RNF112: variants seen among roughly 807,000 people sequenced by gnomAD.
RNF112 encodes ring finger protein 112, also known as brain finger protein.
Under a neutral mutation model 64.7 loss-of-function variants are expected in RNF112, and 34 were observed. The ratio of observed to expected loss-of-function variants is 0.53; its 90% CI spans 0.40 to 0.70. RNF112 has a LOEUF of 0.70. Among genes scored for constraint, RNF112 ranks in the 30% least tolerant of loss-of-function variants. The pLI is 0.00. For missense variants in RNF112, 734 were observed against 850.0 expected (o/e 0.86, Z 1.70); for synonymous variants, 345 against 344.5 (o/e 1.00, Z -0.02).
chr17:19,414,928 C>T, intron 10 of RNF112, 41 bp downstream of exon 10: 1 of 1,599,092 alleles, frequency 6.3e-7, no homozygotes, highest in Non-Finnish European at 8.6e-7. Flanking sequence ...GCGCTGCTCC[C>T]AGCTCCCCTC....
Position 19,413,336 on chromosome 17 carries a change from G to A in RNF112, c.645G>A (p.Arg215=), listed in dbSNP as rs1170733775. 1.9e-6 allele frequency: 3 copies of A among 1,613,298 alleles called. No homozygotes were observed. Among genetic ancestry groups the A allele is most frequent in the African/African-American group, 2.7e-5 (2 of 74,928 alleles). ...GAGAGGCATCCCTGCAGGGCTGCAG[G>A]TGGGGCGCCAATGGCCTCGCCAGGG... ...RGGEASLQGC[R]WGANGLARGI... The change falls in exon 5 of 14, where the codon AGG becomes AGA. Residue 215 remains arginine, a synonymous_variant. Coordinates refer to ENST00000461366, the MANE Select transcript of RNF112 (RefSeq NM_007148.5). This position sits in a 1 kb window ranked among gnomAD's most constrained non-coding sequence, Gnocchi z 5.9.
chr17:19,411,366 C>A lies in RNF112; in HGVS notation c.-43C>A. The A allele has an allele frequency of 6.3e-7, 1 of 1,591,772 alleles. No individual in the cohort carries two copies. The highest frequency in any genetic ancestry group is 8.6e-7 in the Non-Finnish European group (1 of 1,168,794). On this transcript the variant is annotated 5_prime_UTR_variant, in exon 1 of 14. Coordinates refer to ENST00000461366, the MANE Select transcript of RNF112 (RefSeq NM_007148.5). ...TTACCTCTGGTTGAAGGTCTCGGGG[C>A]CTCCCCCTCTGCATCCGGACCCTCT...
chr17:19,415,768 C>T lies in RNF112; in HGVS notation c.1489C>T (p.Leu497Phe), dbSNP rs1243455514. 3.7e-6 allele frequency: 6 copies of T among 1,613,520 alleles called. No homozygotes were observed. The African/African-American group carries it at 8.0e-5, about 22-fold the overall frequency. Residue 497 changes from leucine to phenylalanine, a missense_variant, in exon 14 of 14, where the codon CTC becomes TTC. Transcript: ENST00000461366. The surrounding 1 kb of genome is among the most constrained non-coding windows in gnomAD (Gnocchi z 7.8). ...RVLPDTMRNL[L>F]STQKDAILAR... ...CCTGCCAGACACCATGCGGAACCTCCTCTCCACCCAGAAAGATGCCATTCT... is the reference window on the plus strand; with the variant it reads ...CCTGCCAGACACCATGCGGAACCTCTTCTCCACCCAGAAAGATGCCATTCT...
In RNF112 at chr17:19,416,140, G is replaced by A. The variant is rs867269904; in HGVS notation, c.1861G>A (p.Glu621Lys). 2 of 1,570,232 alleles carry A rather than the reference G, an allele frequency of 1.3e-6. No homozygotes were observed. The highest frequency in any genetic ancestry group is 4.7e-5 in the East Asian group (2 of 42,748). The change falls in exon 14 of 14, where the codon GAA becomes AAA. Residue 621 changes from glutamate to lysine, a missense_variant. Physicochemically the swap from Glu to Lys is moderately conservative, Grantham distance 56. Coordinates refer to ENST00000461366, the MANE Select transcript of RNF112 (RefSeq NM_007148.5). ...GAAGGAGGAGGATGAGAGGCTTCTG[G>A]AAGGGGACCGAGAGCCCCTTCTCCA... is the stretch of plus-strand genomic sequence containing the variant. ...MEKEEDERLL[E>K]GDREPLLQEE
chr17:19,413,298 C>A lies in RNF112; in HGVS notation c.607C>A (p.Arg203=). 1 of 1,610,988 alleles carries A rather than the reference C, an allele frequency of 6.2e-7. No homozygotes were observed. The highest frequency in any genetic ancestry group is 1.3e-5 in the African/African-American group (1 of 74,942). Residue 203 remains arginine, a synonymous_variant, in exon 5 of 14, where the codon CGG becomes AGG. Coordinates refer to ENST00000461366, the MANE Select transcript of RNF112 (RefSeq NM_007148.5). This position sits in a 1 kb window ranked among gnomAD's most constrained non-coding sequence, Gnocchi z 5.9. ...LPGLESGEGG[R]PRGGEASLQG... ...CCTGCAGGAGTCTGGTGAGGGCGGC[C>A]GGCCAAGAGGAGGAGAGGCATCCCT...
chr17:19,415,820 G>T lies in RNF112; in HGVS notation c.1541G>T (p.Cys514Phe), dbSNP rs1430511236. The T allele has an allele frequency of 1.2e-6, 2 of 1,613,704 alleles. No individual in the cohort carries two copies. Among genetic ancestry groups the T allele is most frequent in the Non-Finnish European group, 8.5e-7 (1 of 1,179,894 alleles). Residue 514 changes from cysteine (C) to phenylalanine (F), a missense_variant, in exon 14 of 14, where the codon TGC (cysteine) becomes TTC (phenylalanine). Cys to Phe is a radical substitution (Grantham distance 205). Transcript: ENST00000461366. This position sits in a 1 kb window ranked among gnomAD's most constrained non-coding sequence, Gnocchi z 7.8. ...ILARHGVALL[C>F]KGRDQTLEAL... Reference sequence around the variant, plus strand: ...GCCCGCCATGGTGTGGCCTTACTCTGCAAGGGGAGAGATCAGACCTTGGAG... The same window carrying T: ...GCCCGCCATGGTGTGGCCTTACTCTTCAAGGGGAGAGATCAGACCTTGGAG...
At position 19,416,059 on chromosome 17, in the gene RNF112, G is replaced by T. The variant is rs1173473513; in HGVS notation, c.1780G>T (p.Ala594Ser). Residue 594 changes from alanine (A) to serine (S), a missense_variant, in exon 14 of 14, where the codon GCT becomes TCT. Physicochemically the swap from Ala to Ser is moderately conservative, Grantham distance 99. Coordinates refer to ENST00000461366, the MANE Select transcript of RNF112 (RefSeq NM_007148.5). ...AGAAVGATGA[A>S]VVGGGVGAGL... ...AGCTGCCGTGGGGGCCACAGGGGCC[G>T]CTGTGGTTGGGGGTGGCGTGGGTGC... 9 of 1,563,092 alleles carry T rather than the reference G, an allele frequency of 5.8e-6. No individual in the cohort carries two copies. The highest frequency in any genetic ancestry group is 7.8e-6 in the Non-Finnish European group (9 of 1,155,570).
Position 19,413,864 on chromosome 17 carries a change from G to A in RNF112, c.825+183G>A, listed in dbSNP as rs1161332075. ...GGGAACGTGGGTTATTCCTAAAAGT[G>A]GGCTGATGGTCCCAGGGGCAGCTGA... On this transcript the variant is annotated intron_variant, in intron 6 of 13. Transcript: ENST00000461366. This position sits in a 1 kb window ranked among gnomAD's most constrained non-coding sequence, Gnocchi z 5.9. Among the ~76,000 whole-genome samples the A allele has an allele frequency of 6.6e-6, 1 of 152,190 alleles. No individual in the cohort carries two copies. Among genetic ancestry groups the A allele is most frequent in the Non-Finnish European group, 1.5e-5 (1 of 68,020 alleles).
In RNF112 at chr17:19,412,405, C is replaced by T; in HGVS notation, c.96-93C>T. On this transcript the variant is annotated intron_variant, in intron 2 of 13. Coordinates refer to ENST00000461366, the MANE Select transcript of RNF112 (RefSeq NM_007148.5). This position sits in a 1 kb window ranked among gnomAD's most constrained non-coding sequence, Gnocchi z 5.1. ...TTGGGTTGGCACAAAGGGACCTCCACTCCCAAGCCATCAGTCTTCCACCAC... is the reference window on the plus strand; with the variant it reads ...TTGGGTTGGCACAAAGGGACCTCCATTCCCAAGCCATCAGTCTTCCACCAC... 7.2e-7 allele frequency: 1 copy of T among 1,389,468 alleles called. No homozygotes were observed. The highest frequency in any genetic ancestry group is 9.8e-7 in the Non-Finnish European group (1 of 1,024,878). The allele number at this position is 1,389,468 out of a possible 1,614,324, so 86.1% of individuals were successfully genotyped here.
At chr17:19,414,419 GC>G (rs749686956) in intron 7 of RNF112, 29 bp from the exon 8 acceptor site, 65 of 1,613,712 alleles carry the variant, frequency 4.0e-5, no homozygotes, top group Non-Finnish European at 5.3e-5. Flanking sequence ...AAGTGGCCCA[GC>G]CCTGACGCTT....
In RNF112 at chr17:19,416,773, A is replaced by G. The variant is rs1036129085; in HGVS notation, c.*598A>G. 1 of 152,794 alleles carries G rather than the reference A, an allele frequency of 6.5e-6. No individual in the cohort carries two copies. The highest frequency in any genetic ancestry group is 2.4e-5 in the African/African-American group (1 of 41,354). 9.5% of individuals were successfully genotyped at this position (152,794 alleles called of 1,614,324 possible). A position where few individuals can be genotyped will look rare whatever the true frequency, so the allele number is the denominator to read the frequency against. On this transcript the variant is annotated 3_prime_UTR_variant, in exon 14 of 14. Coordinates refer to ENST00000461366, the MANE Select transcript of RNF112 (RefSeq NM_007148.5). ...CCCTTCCCAAATCTGCTCCAGCAGG[A>G]CTAAGGTGGCTTTCCCACTCCTGGC...
chr17:19,411,604 CTTTTTTTTTTT>C lies in RNF112; in HGVS notation c.55-18_55-8del. On this transcript the variant is annotated splice_polypyrimidine_tract_variant and intron_variant, in intron 1 of 13. Coordinates refer to ENST00000461366, the MANE Select transcript of RNF112 (RefSeq NM_007148.5). ...TAGAAGTCTGGATTATGTTCTAAATCTTTTTTTTTTTTTTTTTTCTCCAAGGAGAGAAAACA... is the reference window on the plus strand; with the variant it reads ...TAGAAGTCTGGATTATGTTCTAAATCTTTTTTTCTCCAAGGAGAGAAAACA... 1 of 1,413,932 alleles carries C rather than the reference CTTTTTTTTTTT, an allele frequency of 7.1e-7. No individual in the cohort carries two copies. The highest frequency in any genetic ancestry group is 9.5e-7 in the Non-Finnish European group (1 of 1,055,132). The allele number at this position is 1,413,932 out of a possible 1,614,324, so 87.6% of individuals were successfully genotyped here. A position where few individuals can be genotyped will look rare whatever the true frequency, so the allele number is the denominator to read the frequency against.
In RNF112 at chr17:19,411,476, C is replaced by CCTAAGAT. The variant is rs1201489825; in HGVS notation, c.54+16_54+22dup. ...CTTGGCAAACGGGCAAGTCTTCAGT[C>CCTAAGAT]CTAAGATCGGGAAGGAGAGTGGGGT... is the stretch of plus-strand genomic sequence containing the variant. On this transcript the variant is annotated intron_variant, in intron 1 of 13. Coordinates refer to ENST00000461366, the MANE Select transcript of RNF112 (RefSeq NM_007148.5). 1.2e-6 allele frequency: 2 copies of CCTAAGAT among 1,609,308 alleles called. No individual in the cohort carries two copies.
Position 19,416,494 on chromosome 17 carries a change from C to T in RNF112, c.*319C>T, listed in dbSNP as rs980918604. The stretch of plus-strand genomic sequence containing the variant: ...GAGACTCCACCCTCCCCACCTGGCT[C>T]ATTTCCCCGATGACCCTGGATTGTA... On this transcript the variant is annotated 3_prime_UTR_variant, in exon 14 of 14. Transcript: ENST00000461366. 2 of 293,030 alleles carry T rather than the reference C, an allele frequency of 6.8e-6. No homozygotes were observed. Among genetic ancestry groups the T allele is most frequent in the South Asian group, 6.7e-5 (1 of 14,998 alleles). 18.2% of individuals were successfully genotyped at this position (293,030 alleles called of 1,614,324 possible).
chr17:19,413,766 C>T lies in RNF112; in HGVS notation c.825+85C>T, dbSNP rs570503831. The T allele has an allele frequency of 1.2e-4, 131 of 1,061,042 alleles. No individual in the cohort carries two copies. Among genetic ancestry groups the T allele is most frequent in the Non-Finnish European group, 1.3e-4 (92 of 730,758 alleles). The allele number at this position is 1,061,042 out of a possible 1,614,324, so 65.7% of individuals were successfully genotyped here. ...CCTCAAGGCCAGAGCATCTCACAGGCTTTGGTGTCTGGGGTCCTGATAGGT... is the reference window on the plus strand; with the variant it reads ...CCTCAAGGCCAGAGCATCTCACAGGTTTTGGTGTCTGGGGTCCTGATAGGT... On this transcript the variant is annotated intron_variant, in intron 6 of 13. Coordinates refer to ENST00000461366, the MANE Select transcript of RNF112 (RefSeq NM_007148.5). This position sits in a 1 kb window ranked among gnomAD's most constrained non-coding sequence, Gnocchi z 5.9.
chr17:19,413,218 G>T lies in RNF112; in HGVS notation c.589-62G>T. 1 of 1,596,478 alleles carries T rather than the reference G, an allele frequency of 6.3e-7. No individual in the cohort carries two copies. The highest frequency in any genetic ancestry group is 8.6e-7 in the Non-Finnish European group (1 of 1,169,056). On this transcript the variant is annotated intron_variant, in intron 4 of 13. Coordinates refer to ENST00000461366, the MANE Select transcript of RNF112 (RefSeq NM_007148.5). This position sits in a 1 kb window ranked among gnomAD's most constrained non-coding sequence, Gnocchi z 5.9. Reference sequence around the variant, plus strand: ...TCCTGCCTGGGGGAAGCTGGGTCTGGTATTCCGGTCTGTGGGGACAAGGAA... The same window carrying T: ...TCCTGCCTGGGGGAAGCTGGGTCTGTTATTCCGGTCTGTGGGGACAAGGAA...
chr17:19,415,929 G>T lies in RNF112; in HGVS notation c.1650G>T (p.Val550=), dbSNP rs374532214. ...GCTTCTGTGGCCACCTAGCTGCTGT[G>T]GGGGGTGCTGTGGGGGCCGGGCTCA... is the stretch of plus-strand genomic sequence containing the variant. The part of the protein sequence containing the change: ...TMRFCGHLAA[V]GGAVGAGLMG... The change falls in exon 14 of 14, where the codon GTG becomes GTT. Residue 550 remains valine, a synonymous_variant. Coordinates refer to ENST00000461366, the MANE Select transcript of RNF112 (RefSeq NM_007148.5). The surrounding 1 kb of genome is among the most constrained non-coding windows in gnomAD (Gnocchi z 7.8). 3.1e-6 allele frequency: 5 copies of T among 1,609,704 alleles called. No individual in the cohort carries two copies. Among genetic ancestry groups the T allele is most frequent in the African/African-American group, 2.7e-5 (2 of 74,860 alleles).
rs897154279 is a variant in RNF112 at position 19,412,066 on chromosome 17, A to T, written c.95+396A>T. 6.6e-6 allele frequency among the ~76,000 whole-genome samples: 1 copy of T among 152,194 alleles called. No individual in the cohort carries two copies. The highest frequency in any genetic ancestry group is 1.9e-4 in the East Asian group (1 of 5,192). On this transcript the variant is annotated intron_variant, in intron 2 of 13. Coordinates refer to ENST00000461366, the MANE Select transcript of RNF112 (RefSeq NM_007148.5). The surrounding 1 kb of genome is among the most constrained non-coding windows in gnomAD (Gnocchi z 5.1). ...CTCTTCCCAAGCATTTGCACCAGGC[A>T]CTGTGCAGACAGCTGCACACGCCTC... is the stretch of plus-strand genomic sequence containing the variant.
chr17:19,413,677 A>G lies in RNF112; in HGVS notation c.821A>G (p.Tyr274Cys). 1.2e-6 allele frequency: 2 copies of G among 1,606,548 alleles called. No homozygotes were observed. The highest frequency in any genetic ancestry group is 1.7e-6 in the Non-Finnish European group (2 of 1,176,226). The change falls in exon 6 of 14, where the codon TAC becomes TGC. Residue 274 changes from tyrosine to cysteine, a missense_variant. Tyr to Cys is a radical substitution (Grantham distance 194). Transcript: ENST00000461366. The surrounding 1 kb of genome is among the most constrained non-coding windows in gnomAD (Gnocchi z 5.9). ...LCALTTMLSSYQILSTSQELK... is the reference protein window; with the variant it reads ...LCALTTMLSSCQILSTSQELK... Reference sequence around the variant, plus strand: ...GCTCTCACCACGATGCTGAGCTCCTACCAGGTGATGGGGGGCGCTGATGTT... The same window carrying G: ...GCTCTCACCACGATGCTGAGCTCCTGCCAGGTGATGGGGGGCGCTGATGTT...
Sources: allele counts gnomAD v4.1 joint callset (sites outside exome capture counted in the v4.1 genomes callset), GRCh38; gene constraint gnomAD v4.1.1; non-coding constraint Gnocchi (gnomAD v3.1); transcripts MANE v1.5; gene names NCBI Gene and HGNC (gene_info 2026-07-23, HGNC 2026-07-21).